Variants in ARHGAP26 observed in about 807,000 individuals in gnomAD.
ARHGAP26 encodes the protein Rho GTPase activating protein 26.
Under a neutral mutation model 104.8 loss-of-function variants are expected in ARHGAP26, and 38 were observed. That is an observed-to-expected ratio of 0.36 (90% CI 0.28 to 0.48). The LOEUF (loss-of-function observed/expected upper bound fraction) is 0.48. Among genes scored for constraint, ARHGAP26 ranks in the 20% least tolerant of loss-of-function variants. The pLI, the probability that ARHGAP26 is intolerant of heterozygous loss-of-function variation, is 0.99. For synonymous variants in ARHGAP26, 341 were observed against 340.0 expected, an observed-to-expected ratio of 1.00 and a Z score of -0.03; for missense variants, 704 against 947.9, an observed-to-expected ratio of 0.74 and a Z score of 3.38.
chr5:143,092,787 G>T (rs765821233), intron 17 of ARHGAP26, among the ~76,000 whole-genome samples: 8 of 152,176 alleles, frequency 5.3e-5, no homozygotes, highest in Non-Finnish European at 8.8e-5. Flanking sequence ...GGTATAGATG[G>T]CTCTTTCCTG....
chr5:142,993,734 T>TG (rs1775985069), intron 11 of ARHGAP26, among the ~76,000 whole-genome samples: 1 of 152,192 alleles, frequency 6.6e-6, no homozygotes, highest in Non-Finnish European at 1.5e-5. Context: ...CCCAACCTCT[T>TG]GGGGTCAAGC....
intron 20 of ARHGAP26, among the ~76,000 whole-genome samples, chr5:143,189,735 A>T (rs1285077114): frequency 6.6e-6 from 1 of 152,222 alleles, no homozygotes; most frequent in Non-Finnish European, 1.5e-5. Context: ...TCAGATATTT[A>T]AAATGCCAAT....
intron 11 of ARHGAP26, among the ~76,000 whole-genome samples, chr5:142,981,356 T>G (rs1387848453): frequency 6.6e-6 from 1 of 152,172 alleles, no homozygotes; most frequent in African/African-American, 2.4e-5. Context: ...TTAAAATACC[T>G]CTCTGTGAAG....
At chr5:143,046,448 C>T (rs1037787630) in intron 14 of ARHGAP26, among the ~76,000 whole-genome samples, 10 of 152,186 alleles carry the variant, frequency 6.6e-5, no homozygotes, top group African/African-American at 2.4e-4. Context: ...CTTCTTTGTA[C>T]TGATCAGGAT....
Position 142,996,740 on chromosome 5 carries a change from G to A in ARHGAP26, c.1108-17340G>A, listed in dbSNP as rs150874246. Reference sequence around the variant, plus strand: ...GGCCAGCAAACAGTTAGAAATGGAGGTCTGCTCCAAAGAAAACTGGAGGGA... The same window carrying A: ...GGCCAGCAAACAGTTAGAAATGGAGATCTGCTCCAAAGAAAACTGGAGGGA... On this transcript the variant is annotated intron_variant, in intron 11 of 22. Transcript: ENST00000645722. Among the ~76,000 whole-genome samples the A allele has an allele frequency of 3.1e-3, 468 of 152,218 alleles. 3 individuals carry two copies. The highest frequency in any genetic ancestry group is 5.8e-3 in the Admixed American group (89 of 15,286).
intron 1 of ARHGAP26, among the ~76,000 whole-genome samples, chr5:142,789,299 T>C (rs1181749165): frequency 6.6e-6 from 1 of 152,252 alleles, no homozygotes; most frequent in African/African-American, 2.4e-5. Context: ...CTGCTGTCTC[T>C]ACATCTGAAT....
At chr5:143,087,636 C>CTTCTTTTTTT (rs756401821) in intron 17 of ARHGAP26, among the ~76,000 whole-genome samples, 1 of 51,536 alleles carries the variant, frequency 1.9e-5, no homozygotes, top group Admixed American at 3.6e-4. Flanking sequence ...CTGGCCCATT[C>CTTCTTTTTTT]TTTTTTTTTT....
chr5:143,209,780 C>CA (rs59168054), intron 21 of ARHGAP26, among the ~76,000 whole-genome samples: 5,192 of 135,570 alleles, frequency 0.038, 308 homozygotes, highest in African/African-American at 0.13. Context: ...GACTCCATCT[C>CA]AAAAAAAAAA....
intron 22 of ARHGAP26, among the ~76,000 whole-genome samples, chr5:143,215,032 T>C (rs1810125073): frequency 1.3e-5 from 2 of 152,250 alleles, no homozygotes; most frequent in South Asian, 2.1e-4. Context: ...GCAGTGGGTC[T>C]GCTGAAGGCT....
At chr5:143,094,770 T>A (rs1480428610) in intron 17 of ARHGAP26, among the ~76,000 whole-genome samples, 1 of 150,628 alleles carries the variant, frequency 6.6e-6, no homozygotes, top group Non-Finnish European at 1.5e-5. Context: ...TTAAAGAGAG[T>A]GATGGGGTGA....
At position 143,173,524 on chromosome 5, in the gene ARHGAP26, T is replaced by G. The variant is rs115496167; in HGVS notation, c.1988+26143T>G. ...CTTTGCATTGTTTTATTAGTAAGAG[T>G]CAACATTTCCGAATTCAGGCACTTC... On this transcript the variant is annotated intron_variant, in intron 20 of 22. Coordinates refer to ENST00000645722, the MANE Select transcript of ARHGAP26 (RefSeq NM_001135608.3). Among the ~76,000 whole-genome samples the G allele has an allele frequency of 6.3e-3, 956 of 152,218 alleles. 15 individuals are homozygous for G. The highest frequency in any genetic ancestry group is 5.6e-3 in the Non-Finnish European group (379 of 67,992).
At chr5:142,903,917 CTAA>C (rs1760724165) in intron 8 of ARHGAP26, among the ~76,000 whole-genome samples, 1 of 152,120 alleles carries the variant, frequency 6.6e-6, no homozygotes, top group Admixed American at 6.5e-5. Context: ...TCTTCTCTCT[CTAA>C]TGTTACTCTA....
chr5:142,885,187 G>A, intron 4 of ARHGAP26, 111 bp from the exon 5 acceptor site: 2 of 820,494 alleles, frequency 2.4e-6, no homozygotes, highest in South Asian at 3.0e-5. Context: ...CTGAAAAGTA[G>A]GAGCTGAGTC....
Position 143,147,861 on chromosome 5 carries a change from C to T in ARHGAP26, c.1988+480C>T, listed in dbSNP as rs73796899. Among the ~76,000 whole-genome samples, 1,223 of 152,304 alleles carry T rather than the reference C, an allele frequency of 8.0e-3. 19 individuals are homozygous for T. The highest frequency in any genetic ancestry group is 0.027 in the African/African-American group (1,142 of 41,576). ...CCCTTTGTGTCTTCACATCCTCAAA[C>T]CTTAGCATGACTATGACTTCTTGAC... On this transcript the variant is annotated intron_variant, in intron 20 of 22. Transcript: ENST00000645722.
chr5:143,198,112 G>C, intron 20 of ARHGAP26, among the ~76,000 whole-genome samples: 1 of 152,184 alleles, frequency 6.6e-6, no homozygotes, highest in South Asian at 2.1e-4. Context: ...GGATGTAGTA[G>C]CACTATTGCG....
Position 143,068,063 on chromosome 5 carries a change from C to CT in ARHGAP26, c.1538+10317dup, listed in dbSNP as rs549187313. On this transcript the variant is annotated intron_variant, in intron 17 of 22. Transcript: ENST00000645722. ...CCTGTAGTCCCAGCTACTTGGGAGG[C>CT]TGAGGTACGAGAATCGCTTGAGCCC... Among the ~76,000 whole-genome samples, 212 of 152,208 alleles carry CT rather than the reference C, an allele frequency of 1.4e-3. 1 individual carries two copies. Among genetic ancestry groups the CT allele is most frequent in the African/African-American group, 4.8e-3 (201 of 41,510 alleles).
At chr5:142,954,730 A>C (rs1313390422) in intron 11 of ARHGAP26, among the ~76,000 whole-genome samples, 1 of 152,166 alleles carries the variant, frequency 6.6e-6, no homozygotes, top group African/African-American at 2.4e-5. Flanking sequence ...TATGACGTCA[A>C]CTCAGATGTG....
chr5:143,200,746 A>G (rs1807580685), intron 20 of ARHGAP26, among the ~76,000 whole-genome samples: 3 of 152,222 alleles, frequency 2.0e-5, no homozygotes, highest in Non-Finnish European at 4.4e-5. Flanking sequence ...AGAATTTTGA[A>G]AGATTAACTT....
intron 20 of ARHGAP26, chr5:143,194,031 A>G (rs934115183): frequency 6.6e-6 from 1 of 152,194 alleles, no homozygotes; most frequent in Non-Finnish European, 1.5e-5. Flanking sequence ...CCTGGATCAC[A>G]TGCCTGCCCT....
Sources: gnomAD v4.1 joint callset for allele counts (sites outside exome capture counted in the v4.1 genomes callset) on GRCh38, gnomAD v4.1.1 for gene constraint, MANE v1.5 for transcripts, NCBI Gene and HGNC (gene_info 2026-07-23, HGNC 2026-07-21) for gene names.